SLC30A9: variants seen among roughly 807,000 people sequenced by gnomAD.
The protein encoded by SLC30A9 is proton-coupled zinc antiporter SLC30A9, mitochondrial.
SLC30A9 carries 58 observed loss-of-function variants against 87.5 expected under a neutral mutation model. That is an observed-to-expected ratio of 0.66 (90% CI 0.54 to 0.82). The LOEUF (loss-of-function observed/expected upper bound fraction) is 0.82. Ranked by LOEUF, SLC30A9 falls within the 40% of genes least tolerant of loss-of-function variation. SLC30A9 has a pLI of 0.00. For synonymous variants in SLC30A9, 234 were observed against 233.0 expected (o/e 1.00, Z -0.04); for missense variants, 557 against 679.1 (o/e 0.82, Z 2.00).
intron 1 of SLC30A9, among the ~76,000 whole-genome samples, chr4:41,994,860 G>C (rs972590095): frequency 2.1e-5 from 3 of 143,854 alleles, no homozygotes; most frequent in African/African-American, 7.6e-5. Context: ...CATTTAGACT[G>C]TCAATGCTCT....
chr4:42,047,197 A>T (rs1458907975), intron 8 of SLC30A9, among the ~76,000 whole-genome samples: 1 of 152,228 alleles, frequency 6.6e-6, no homozygotes, highest in African/African-American at 2.4e-5. Context: ...TTCACACCAA[A>T]AGCAATGGGA....
At position 42,018,449 on chromosome 4, in the gene SLC30A9, A is replaced by G. The variant is rs556129736; in HGVS notation, c.334+279A>G. 160 of 1,256,118 alleles carry G rather than the reference A, an allele frequency of 1.3e-4. No individual in the cohort carries two copies. The East Asian group carries it at 6.2e-3, about 49-fold the overall frequency. 77.8% of individuals were successfully genotyped at this position (1,256,118 alleles called of 1,614,324 possible). A position where few individuals can be genotyped will look rare whatever the true frequency, so the allele number is the denominator to read the frequency against. ...ATTGCATTATCATTTTTAGAAGAGT[A>G]AGGCAATTAAAGAACAAGAGGCCCA... On this transcript the variant is annotated intron_variant, in intron 3 of 17. Transcript: ENST00000264451.
chr4:41,996,087 GT>G (rs949126037), intron 1 of SLC30A9, among the ~76,000 whole-genome samples: 1 of 151,826 alleles, frequency 6.6e-6, no homozygotes, highest in African/African-American at 2.4e-5. Context: ...ATAAATTTGA[GT>G]TTTTTTATTT....
At position 42,089,102 on chromosome 4, in the gene SLC30A9, G is replaced by A. The variant is rs1719019648; in HGVS notation, c.*2976G>A. The A allele has an allele frequency of 6.6e-6, 1 of 152,086 alleles. No individual in the cohort carries two copies. The highest frequency in any genetic ancestry group is 6.6e-5 in the Admixed American group (1 of 15,266). 9.4% of individuals were successfully genotyped at this position (152,086 alleles called of 1,614,324 possible). On this transcript the variant is annotated 3_prime_UTR_variant, in exon 18 of 18. Coordinates refer to ENST00000264451, the MANE Select transcript of SLC30A9 (RefSeq NM_006345.4). ...ATTTTTAAGGAAAATATTCTCTGCA[G>A]GAGAATAATTACAAAAATAATACTG... is the stretch of plus-strand genomic sequence containing the variant.
chr4:42,085,718 A>T (rs1055081554), intron 17 of SLC30A9, among the ~76,000 whole-genome samples: 8 of 152,102 alleles, frequency 5.3e-5, no homozygotes, highest in African/African-American at 1.9e-4. Context: ...AAAGTATATA[A>T]AATGAGTGGT....
At chr4:42,022,805 G>T in intron 4 of SLC30A9, 33 bp from the exon 5 acceptor site, 1 of 1,319,776 alleles carries the variant, frequency 7.6e-7, no homozygotes. Context: ...TATGCACTTT[G>T]TCTGAATAAA....
At chr4:42,055,539 A>G in intron 9 of SLC30A9, among the ~76,000 whole-genome samples, 1 of 152,176 alleles carries the variant, frequency 6.6e-6, no homozygotes, top group South Asian at 2.1e-4. Flanking sequence ...GGCGCCCGCC[A>G]CCACGCCCGG....
At chr4:42,047,668 T>A (rs1717220162) in intron 8 of SLC30A9, among the ~76,000 whole-genome samples, 1 of 152,230 alleles carries the variant, frequency 6.6e-6, no homozygotes, top group Non-Finnish European at 1.5e-5. Context: ...GAAGACAGTG[T>A]GGCGATTCCT....
At chr4:41,992,782 C>G (rs183339796) in intron 1 of SLC30A9, among the ~76,000 whole-genome samples, 69 of 152,002 alleles carry the variant, frequency 4.5e-4, no homozygotes, top group Middle Eastern at 3.4e-3. Flanking sequence ...AAAAGGGCAA[C>G]CATTATTATG....
intron 2 of SLC30A9, among the ~76,000 whole-genome samples, chr4:42,007,556 C>T (rs1393143013): frequency 5.9e-5 from 9 of 151,834 alleles, no homozygotes; most frequent in Admixed American, 5.9e-4. Context: ...TCAAGACCAT[C>T]CTGGCTAACC....
chr4:42,027,939 G>A, intron 6 of SLC30A9, among the ~76,000 whole-genome samples: 1 of 152,136 alleles, frequency 6.6e-6, no homozygotes, highest in East Asian at 1.9e-4. Flanking sequence ...AGGACACTGA[G>A]GACAGACATC....
rs186685023 is a variant in SLC30A9 at position 42,064,490 on chromosome 4, G to A, written c.1033-820G>A. ...TTATTCTCTAGTTTTCTATAGTTTT[G>A]ATTGACTAGTTTCTTACCATAATAC... On this transcript the variant is annotated intron_variant, in intron 11 of 17. Transcript: ENST00000264451. 2.2e-4 allele frequency among the ~76,000 whole-genome samples: 33 copies of A among 152,186 alleles called. No homozygotes were observed. The Middle Eastern group carries it at 0.014, about 63-fold the overall frequency.
chr4:42,069,362 T>G (rs13106877), intron 14 of SLC30A9, among the ~76,000 whole-genome samples: 1 of 152,200 alleles, frequency 6.6e-6, no homozygotes, highest in Non-Finnish European at 1.5e-5. Context: ...TTAAAAAAGG[T>G]ATTTTCTTTC....
chr4:42,038,106 G>C (rs776140228), intron 7 of SLC30A9, among the ~76,000 whole-genome samples: 6 of 152,100 alleles, frequency 3.9e-5, no homozygotes, highest in Non-Finnish European at 8.8e-5. Flanking sequence ...TTTACAGGAA[G>C]CTTCCCAAGC....
chr4:42,006,102 A>T (rs1206052531), intron 2 of SLC30A9, among the ~76,000 whole-genome samples: 2 of 152,232 alleles, frequency 1.3e-5, no homozygotes. Context: ...TTTGCATTGA[A>T]TTCGGTATTA....
intron 2 of SLC30A9, among the ~76,000 whole-genome samples, chr4:42,005,358 CTG>C (rs1715156996): frequency 6.6e-6 from 1 of 152,192 alleles, no homozygotes; most frequent in South Asian, 2.1e-4. Flanking sequence ...TGAATTCAGA[CTG>C]TAACTTGTGT....
chr4:42,018,995 A>G (rs1481309552), intron 3 of SLC30A9, among the ~76,000 whole-genome samples: 1 of 120,144 alleles, frequency 8.3e-6, no homozygotes, highest in Non-Finnish European at 1.9e-5. Flanking sequence ...CAAAAAAAAA[A>G]TCTGTATTTC....
rs1302375312 is a variant in SLC30A9, at chr4:42,022,820, A to G, written c.435-18A>G. On this transcript the variant is annotated intron_variant, in intron 4 of 17. Coordinates refer to ENST00000264451, the MANE Select transcript of SLC30A9 (RefSeq NM_006345.4). Reference sequence around the variant, plus strand: ...TATGCACTTTGTCTGAATAAATTCAACATGTTTCTTTCTCTAGTGATCTAG... The same window carrying G: ...TATGCACTTTGTCTGAATAAATTCAGCATGTTTCTTTCTCTAGTGATCTAG... 2.0e-6 allele frequency: 3 copies of G among 1,478,480 alleles called. No homozygotes were observed. The highest frequency in any genetic ancestry group is 2.3e-5 in the East Asian group (1 of 43,928). The allele number at this position is 1,478,480 out of a possible 1,614,324, so 91.6% of individuals were successfully genotyped here. A position where few individuals can be genotyped will look rare whatever the true frequency, so the allele number is the denominator to read the frequency against.
chr4:42,023,278 T>C (rs1332164989), intron 5 of SLC30A9, 24 bp from the exon 6 acceptor site: 1 of 1,508,792 alleles, frequency 6.6e-7, no homozygotes. Context: ...TTGTTCATTG[T>C]GGTGACCATG....
Sources: allele counts gnomAD v4.1 joint callset (sites outside exome capture counted in the v4.1 genomes callset), GRCh38; gene constraint gnomAD v4.1.1; transcripts MANE v1.5; gene names NCBI Gene and HGNC (gene_info 2026-07-23, HGNC 2026-07-21).